Variants in NEK8 observed in about 807,000 individuals in gnomAD.
The protein encoded by NEK8 is NIMA related kinase 8, also known as serine/threonine-protein kinase Nek8.
In NEK8, 51 loss-of-function variants were observed where a neutral mutation model predicts 77.2. That is an observed-to-expected ratio of 0.66 (90% CI 0.53 to 0.83). The LOEUF is 0.83. Among genes scored for constraint, NEK8 ranks in the 40% least tolerant of loss-of-function variants. The pLI is 0.00. For synonymous variants in NEK8, 365 were observed against 363.2 expected, an observed-to-expected ratio of 1.00 and a Z score of -0.06; for missense variants, 787 against 909.2, an observed-to-expected ratio of 0.87 and a Z score of 1.73.
At position 28,741,655 on chromosome 17, in the gene NEK8, C is replaced by G; in HGVS notation, c.2050+84C>G. 1 of 1,433,500 alleles carries G rather than the reference C, an allele frequency of 7.0e-7. No individual in the cohort carries two copies. Among genetic ancestry groups the G allele is most frequent in the Non-Finnish European group, 9.8e-7 (1 of 1,018,834 alleles). 88.8% of individuals were successfully genotyped at this position (1,433,500 alleles called of 1,614,324 possible). On this transcript the variant is annotated intron_variant, in intron 14 of 14. Transcript: ENST00000268766. This position sits in a 1 kb window ranked among gnomAD's most constrained non-coding sequence, Gnocchi z 4.5. The stretch of plus-strand genomic sequence containing the variant: ...CATCCCCAGTGTTCACAGATGGCCA[C>G]ATCACCAAAAGCATCTTTAGCCCCC...
Position 28,740,570 on chromosome 17 carries a change from A to T in NEK8, c.1525A>T (p.Ile509Phe), listed in dbSNP as rs963682726. 6.2e-7 allele frequency: 1 copy of T among 1,614,014 alleles called. No individual in the cohort carries two copies. Among genetic ancestry groups the T allele is most frequent in the Non-Finnish European group, 8.5e-7 (1 of 1,180,022 alleles). The change falls in exon 11 of 15, where the codon ATC becomes TTC. Residue 509 changes from isoleucine (I) to phenylalanine (F), a missense_variant. Ile to Phe is a conservative substitution (Grantham distance 21, BLOSUM62 0). Around this residue, in one of 2 missense-constraint regions of NEK8, gnomAD observed 516 missense variants for 544.0 expected, o/e 0.95. Transcript: ENST00000268766. The surrounding 1 kb of genome is among the most constrained non-coding windows in gnomAD (Gnocchi z 4.7). ...RVVCGIDSSM[I>F]LTVPGQALAC... ...TGTATGTGGTATCGATTCCTCCATG[A>T]TCCTCACTGTGCCTGGCCAAGCCCT... is the stretch of plus-strand genomic sequence containing the variant.
chr17:28,733,077 A>C (rs1204106149), intron 1 of NEK8: 2 of 131,278 alleles, frequency 1.5e-5, no homozygotes, highest in African/African-American at 5.9e-5. Flanking sequence ...AGTGGGTTTC[A>C]CCATGTTGCT....
chr17:28,740,857 G>T lies in NEK8; in HGVS notation c.1604G>T (p.Gly535Val). 1 of 1,614,092 alleles carries T rather than the reference G, an allele frequency of 6.2e-7. No individual in the cohort carries two copies. Among genetic ancestry groups the T allele is most frequent in the African/African-American group, 1.3e-5 (1 of 75,048 alleles). The change falls in exon 12 of 15, where the codon GGG (glycine) becomes GTG (valine). Residue 535 changes from glycine (G) to valine (V), a missense_variant. Gly to Val is a moderately radical substitution (Grantham distance 109). Coordinates refer to ENST00000268766, the MANE Select transcript of NEK8 (RefSeq NM_178170.3). This position sits in a 1 kb window ranked among gnomAD's most constrained non-coding sequence, Gnocchi z 4.7. ...NKLGLDHLSL[G>V]EEPVPHQQVE... ...CTGGGCCTGGACCACCTCTCCCTGG[G>T]GGAGGAGCCTGTCCCCCACCAGCAA...
At position 28,741,166 on chromosome 17, in the gene NEK8, C is replaced by A; in HGVS notation, c.1821C>A (p.Val607=). ...GAGGCAGTCGGGCACCCTGTAAGGT[C>A]CAAGGCCTTGAGGGCATCAAGATGG... ...TRRGSRAPCK[V]QGLEGIKMAM... Residue 607 remains valine (V), a synonymous_variant, in exon 13 of 15, where the codon GTC becomes GTA. Transcript: ENST00000268766. The surrounding 1 kb of genome is among the most constrained non-coding windows in gnomAD (Gnocchi z 4.5). 6.2e-7 allele frequency: 1 copy of A among 1,613,992 alleles called. No homozygotes were observed. Among genetic ancestry groups the A allele is most frequent in the Non-Finnish European group, 8.5e-7 (1 of 1,180,004 alleles).
chr17:28,737,687 C>A lies in NEK8; in HGVS notation c.840C>A (p.Ser280=). ...GSVRMRRAEK[S]VAPSNTGSRT... Reference sequence around the variant, plus strand: ...ATCTGTCCTGCAGGGCAGAGAAGTCCGTGGCCCCCAGCAACACAGGGAGCA... The same window carrying A: ...ATCTGTCCTGCAGGGCAGAGAAGTCAGTGGCCCCCAGCAACACAGGGAGCA... Residue 280 remains serine, a synonymous_variant, in exon 6 of 15, where the codon TCC becomes TCA. Transcript: ENST00000268766. The surrounding 1 kb of genome is among the most constrained non-coding windows in gnomAD (Gnocchi z 4.8). 6.2e-7 allele frequency: 1 copy of A among 1,614,148 alleles called. No individual in the cohort carries two copies. Among genetic ancestry groups the A allele is most frequent in the Non-Finnish European group, 8.5e-7 (1 of 1,180,020 alleles).
chr17:28,730,703 C>T (rs2034298384), intron 1 of NEK8, among the ~76,000 whole-genome samples: 1 of 151,290 alleles, frequency 6.6e-6, no homozygotes, highest in Non-Finnish European at 1.5e-5. Context: ...ATTGCTTGAG[C>T]TTAGGAGTTA....
chr17:28,728,831 G>T lies in NEK8; in HGVS notation c.18G>T (p.Arg6=). MEKYE[R]IRVVGRGAFG... The stretch of plus-strand genomic sequence containing the variant: ...GAAATGAGATGGAGAAGTACGAGCG[G>T]ATCCGAGTGGTGGGGAGAGGTGCCT... The change falls in exon 1 of 15, where the codon CGG becomes CGT. Residue 6 remains arginine (R), a synonymous_variant. Coordinates refer to ENST00000268766, the MANE Select transcript of NEK8 (RefSeq NM_178170.3). The T allele has an allele frequency of 6.4e-7, 1 of 1,551,686 alleles. No individual in the cohort carries two copies. Among genetic ancestry groups the T allele is most frequent in the Admixed American group, 2.0e-5 (1 of 51,040 alleles).
Position 28,734,136 on chromosome 17 carries a change from C to T in NEK8, c.201C>T (p.Tyr67=), listed in dbSNP as rs371542903. ...LLNHPNVIEY[Y]ENFLEDKALM... is the part of the protein sequence containing the mutation. Reference sequence around the variant, plus strand: ...ACCACCCCAATGTCATTGAGTACTACGAGAACTTCCTGGAAGACAAAGCCC... The same window carrying T: ...ACCACCCCAATGTCATTGAGTACTATGAGAACTTCCTGGAAGACAAAGCCC... The change falls in exon 2 of 15, where the codon TAC becomes TAT. Residue 67 remains tyrosine, a synonymous_variant. Coordinates refer to ENST00000268766, the MANE Select transcript of NEK8 (RefSeq NM_178170.3). The T allele has an allele frequency of 5.4e-5, 87 of 1,614,108 alleles. No homozygotes were observed. The highest frequency in any genetic ancestry group is 7.0e-5 in the Non-Finnish European group (83 of 1,180,056).
At position 28,737,255 on chromosome 17, in the gene NEK8, TG is replaced by T. The variant is rs1204349750; in HGVS notation, c.619-45del. The T allele has an allele frequency of 1.5e-5, 24 of 1,553,128 alleles. No homozygotes were observed. Among genetic ancestry groups the T allele is most frequent in the South Asian group, 2.3e-5 (2 of 85,268 alleles). ...ATCCCAGGAGACCAGGGGCTGGAGC[TG>T]GGGGGTGCTGCCCTCACTTCCCCAA... On this transcript the variant is annotated intron_variant, in intron 4 of 14. Coordinates refer to ENST00000268766, the MANE Select transcript of NEK8 (RefSeq NM_178170.3). This position sits in a 1 kb window ranked among gnomAD's most constrained non-coding sequence, Gnocchi z 4.8.
chr17:28,736,947 A>G (rs1597806331), intron 4 of NEK8, among the ~76,000 whole-genome samples: 1 of 152,164 alleles, frequency 6.6e-6, no homozygotes, highest in Admixed American at 6.5e-5. Flanking sequence ...TAATTTTTGT[A>G]TAAGGTGTAA....
At position 28,741,027 on chromosome 17, in the gene NEK8, G is replaced by A. The variant is rs2034415763; in HGVS notation, c.1732+42G>A. The A allele has an allele frequency of 2.5e-6, 4 of 1,614,092 alleles. No individual in the cohort carries two copies. The highest frequency in any genetic ancestry group is 1.7e-5 in the Admixed American group (1 of 60,030). ...CTCTGGAGGTCAGAGGGGGACTCAC[G>A]GTCTCCTTGGTACCCTGTTGAAGCA... On this transcript the variant is annotated intron_variant, in intron 12 of 14. Coordinates refer to ENST00000268766, the MANE Select transcript of NEK8 (RefSeq NM_178170.3). This position sits in a 1 kb window ranked among gnomAD's most constrained non-coding sequence, Gnocchi z 4.5.
At chr17:28,728,910 G>A (rs1235019300) in intron 1 of NEK8, 50 bp downstream of exon 1, 12 of 1,488,664 alleles carry the variant, frequency 8.1e-6, no homozygotes, top group Non-Finnish European at 1.0e-5. Flanking sequence ...GGGAAAATAA[G>A]CCCCAATTCC....
chr17:28,740,619 T>A lies in NEK8; in HGVS notation c.1568+6T>A. 6.2e-7 allele frequency: 1 copy of A among 1,614,094 alleles called. No individual in the cohort carries two copies. The highest frequency in any genetic ancestry group is 1.1e-5 in the South Asian group (1 of 91,084). ...CTAGCCTGTGGGAGCAACAGGTGAA[T>A]AGATCATCAGGATGACTAACCTGCC... is the stretch of plus-strand genomic sequence containing the variant. On this transcript the variant is annotated splice_donor_region_variant and intron_variant, in intron 11 of 14. Coordinates refer to ENST00000268766, the MANE Select transcript of NEK8 (RefSeq NM_178170.3). The surrounding 1 kb of genome is among the most constrained non-coding windows in gnomAD (Gnocchi z 4.7).
rs756905095 is a variant in NEK8 at position 28,728,877 on chromosome 17, G to A, written c.47+17G>A. ...TGCCTTCGGGTGAGCCAGGGCTCTG[G>A]GGGAGGAAACTGCTAGGGGATAGGG... On this transcript the variant is annotated intron_variant, in intron 1 of 14. Transcript: ENST00000268766. The A allele has an allele frequency of 1.2e-5, 19 of 1,547,644 alleles. No individual in the cohort carries two copies. The highest frequency in any genetic ancestry group is 1.2e-5 in the Non-Finnish European group (14 of 1,143,508).
At chr17:28,736,352 T>C (rs2034365648) in intron 4 of NEK8, among the ~76,000 whole-genome samples, 1 of 152,218 alleles carries the variant, frequency 6.6e-6, no homozygotes, top group African/African-American at 2.4e-5. Flanking sequence ...ATCGCCACAC[T>C]GACTTCCACA....
intron 10 of NEK8, among the ~76,000 whole-genome samples, chr17:28,739,892 CAGAT>C (rs1466728139): frequency 6.6e-6 from 1 of 152,166 alleles, no homozygotes; most frequent in Admixed American, 6.5e-5. Flanking sequence ...TGCCAGAGAA[CAGAT>C]AGCATCAGGG....
chr17:28,730,563 C>A (rs1272599012), intron 1 of NEK8, among the ~76,000 whole-genome samples: 1 of 152,170 alleles, frequency 6.6e-6, no homozygotes, highest in Non-Finnish European at 1.5e-5. Flanking sequence ...CGTGAGCCAC[C>A]ACTCCCAGCC....
rs758570956 is a variant in NEK8, at chr17:28,737,492, G to A, written c.805G>A (p.Val269Met). ...TGCCCTCCTCAACCTCCACACCGAC[G>A]TGGGCAGTGTCCGCATGCGGAGGCC... ...IRALLNLHTDVGSVRMRRAEK... is the reference protein window; with the variant it reads ...IRALLNLHTDMGSVRMRRAEK... Residue 269 changes from valine (V) to methionine (M), a missense_variant, in exon 5 of 15, where the codon GTG (valine) becomes ATG (methionine). Physicochemically the swap from Val to Met is conservative, Grantham distance 21. Coordinates refer to ENST00000268766, the MANE Select transcript of NEK8 (RefSeq NM_178170.3). This position sits in a 1 kb window ranked among gnomAD's most constrained non-coding sequence, Gnocchi z 4.8. 1.6e-5 allele frequency: 26 copies of A among 1,612,960 alleles called. No individual in the cohort carries two copies. Among genetic ancestry groups the A allele is most frequent in the Non-Finnish European group, 1.7e-5 (20 of 1,179,980 alleles).
In NEK8 at chr17:28,741,372, T is replaced by C; in HGVS notation, c.1892-41T>C. The C allele has an allele frequency of 1.2e-6, 2 of 1,608,598 alleles. No homozygotes were observed. The highest frequency in any genetic ancestry group is 1.7e-6 in the Non-Finnish European group (2 of 1,177,366). On this transcript the variant is annotated intron_variant, in intron 13 of 14. Coordinates refer to ENST00000268766, the MANE Select transcript of NEK8 (RefSeq NM_178170.3). This position sits in a 1 kb window ranked among gnomAD's most constrained non-coding sequence, Gnocchi z 4.5. ...GGGAGGGGAGATCCTGCTCGGGCTGTGCCCACTTCCCACTTCCCTCCTGGG... is the reference window on the plus strand; with the variant it reads ...GGGAGGGGAGATCCTGCTCGGGCTGCGCCCACTTCCCACTTCCCTCCTGGG...
Sources: allele counts gnomAD v4.1 joint callset (sites outside exome capture counted in the v4.1 genomes callset), GRCh38; gene constraint gnomAD v4.1.1; regional missense constraint gnomAD v4.1.1; non-coding constraint Gnocchi (gnomAD v3.1); transcripts MANE v1.5; gene names NCBI Gene and HGNC (gene_info 2026-07-23, HGNC 2026-07-21).